Variants in PRELID3A observed in about 807,000 individuals in gnomAD.
PRELID3A encodes the protein PRELI domain containing 3A, also known as PRELI domain containing protein 3A.
PRELID3A carries 27 observed loss-of-function variants against 23.0 expected under a neutral mutation model. The ratio of observed to expected loss-of-function variants is 1.17; its 90% CI spans 0.87 to 1.62. PRELID3A has a LOEUF of 1.62. Among genes scored for constraint, PRELID3A ranks in the 40% most tolerant of loss-of-function variants. PRELID3A has a pLI of 0.00. For synonymous variants in PRELID3A, 87 were observed against 86.4 expected, an observed-to-expected ratio of 1.01 and a Z score of -0.04; for missense variants, 231 against 231.4, an observed-to-expected ratio of 1.00 and a Z score of 0.01.
chr18:12,410,200 C>T (rs1909862791), intron 1 of PRELID3A, among the ~76,000 whole-genome samples: 1 of 152,194 alleles, frequency 6.6e-6, no homozygotes, highest in Non-Finnish European at 1.5e-5. Context: ...ATTTTGTATT[C>T]CTGGCACCCC....
chr18:12,415,237 ATCT>A (rs1479234861), intron 1 of PRELID3A, among the ~76,000 whole-genome samples: 2 of 144,802 alleles, frequency 1.4e-5, no homozygotes, highest in Non-Finnish European at 1.5e-5. Flanking sequence ...GTCTGCCTAC[ATCT>A]TTTTTTTTTT....
chr18:12,419,195 G>A (rs1344848278), intron 1 of PRELID3A, among the ~76,000 whole-genome samples: 1 of 151,504 alleles, frequency 6.6e-6, no homozygotes, highest in Admixed American at 6.6e-5. Context: ...GTGTGGTGGC[G>A]GGCACCTGTA....
chr18:12,427,437 C>T, intron 5 of PRELID3A, 114 bp downstream of exon 5: 1 of 845,866 alleles, frequency 1.2e-6, no homozygotes, highest in Admixed American at 2.3e-5. Context: ...TGGCTCATGT[C>T]TGTAATCCTA....
At position 12,411,465 on chromosome 18, in the gene PRELID3A, C is replaced by CAAAA. The variant is rs398059054; in HGVS notation, c.32+3475_32+3478dup. On this transcript the variant is annotated intron_variant, in intron 1 of 6. Coordinates refer to ENST00000440960, the MANE Select transcript of PRELID3A (RefSeq NM_001142405.2). ...TGGGCGACAGAGCGAGACTCCGTCT[C>CAAAA]AAAAAAAAAAAAAAAAAAAAGGACA... Among the ~76,000 whole-genome samples the CAAAA allele has an allele frequency of 5.6e-5, 5 of 89,628 alleles. No homozygotes were observed. In the East Asian group the frequency reaches 1.2e-3, roughly 22 times the overall value. 58.8% of individuals were successfully genotyped at this position (89,628 alleles called of 152,430 possible). A position where few individuals can be genotyped will look rare whatever the true frequency, so the allele number is the denominator to read the frequency against.
At chr18:12,416,201 GTCCTATT>G (rs1246475159) in intron 1 of PRELID3A, among the ~76,000 whole-genome samples, 5 of 152,170 alleles carry the variant, frequency 3.3e-5, no homozygotes. Flanking sequence ...ACTTCCTGTT[GTCCTATT>G]TCCTATACCC....
chr18:12,430,696 G>C (rs1358382232), intron 6 of PRELID3A, among the ~76,000 whole-genome samples: 1 of 147,736 alleles, frequency 6.8e-6, no homozygotes, highest in Non-Finnish European at 1.5e-5. Context: ...GGTGTGTGCT[G>C]TGTGTGAATG....
At chr18:12,420,721 G>A (rs1411426201) in intron 2 of PRELID3A, among the ~76,000 whole-genome samples, 3 of 119,046 alleles carry the variant, frequency 2.5e-5, no homozygotes, top group African/African-American at 9.5e-5. Context: ...CTGGTGGGAG[G>A]GTTTTCCTCG....
chr18:12,420,075 C>T (rs1437254995), intron 1 of PRELID3A: 2 of 1,363,724 alleles, frequency 1.5e-6, no homozygotes, highest in Non-Finnish European at 9.5e-7. Flanking sequence ...GCATTCCTGC[C>T]TGCTGGGCGA....
At position 12,420,395 on chromosome 18, in the gene PRELID3A, GGCGTGGATGTGCTACAGCGCC is replaced by G. The variant is rs756233118; in HGVS notation, c.111_131del (p.Val38_Asp44del). 1 of 1,609,748 alleles carries G rather than the reference GGCGTGGATGTGCTACAGCGCC, an allele frequency of 6.2e-7. No homozygotes were observed. The highest frequency in any genetic ancestry group is 1.1e-5 in the South Asian group (1 of 90,392). On this transcript the variant is annotated inframe_deletion, in exon 2 of 7. Transcript: ENST00000440960. The stretch of plus-strand genomic sequence containing the variant: ...GAACCCGATGAACCCGAGCGTGCTG[GGCGTGGATGTGCTACAGCGCC>G]GCGTGGACGGCCGCGGCCGCCTGCA...
chr18:12,428,557 G>A (rs2030451123), intron 5 of PRELID3A, among the ~76,000 whole-genome samples: 1 of 152,128 alleles, frequency 6.6e-6, no homozygotes, highest in Non-Finnish European at 1.5e-5. Context: ...CCAACTAGTG[G>A]AAAACCATTT....
At chr18:12,426,496 G>A (rs1372935369) in intron 3 of PRELID3A, among the ~76,000 whole-genome samples, 3 of 137,764 alleles carry the variant, frequency 2.2e-5, no homozygotes, top group Non-Finnish European at 3.0e-5. Flanking sequence ...AGAGCTTTCA[G>A]TGAGCCGAGA....
Position 12,420,317 on chromosome 18 carries a change from C to G in PRELID3A, c.33-8C>G. 6.2e-6 allele frequency: 10 copies of G among 1,601,128 alleles called. No individual in the cohort carries two copies. The highest frequency in any genetic ancestry group is 8.5e-6 in the Non-Finnish European group (10 of 1,174,790). Reference sequence around the variant, plus strand: ...GCTTGCTCACCGCCGCCTATGCTCTCCCCGCAGCCACCCGTGGGACACGGT... The same window carrying G: ...GCTTGCTCACCGCCGCCTATGCTCTGCCCGCAGCCACCCGTGGGACACGGT... On this transcript the variant is annotated splice_region_variant and splice_polypyrimidine_tract_variant and intron_variant, in intron 1 of 6. Coordinates refer to ENST00000440960, the MANE Select transcript of PRELID3A (RefSeq NM_001142405.2).
At chr18:12,430,105 G>A (rs374707560) in intron 6 of PRELID3A, among the ~76,000 whole-genome samples, 65 of 152,272 alleles carry the variant, frequency 4.3e-4, no homozygotes, top group African/African-American at 1.5e-3. Context: ...GTGTGGGTTC[G>A]GGGATCCTTA....
At chr18:12,424,864 TG>T (rs1568165009) in intron 3 of PRELID3A, among the ~76,000 whole-genome samples, 1 of 152,232 alleles carries the variant, frequency 6.6e-6, no homozygotes, top group Non-Finnish European at 1.5e-5. Flanking sequence ...GCCAGTGCGG[TG>T]GCCCACGCCT....
At chr18:12,416,469 C>G in intron 1 of PRELID3A, among the ~76,000 whole-genome samples, 1 of 152,086 alleles carries the variant, frequency 6.6e-6, no homozygotes, top group Non-Finnish European at 1.5e-5. Flanking sequence ...GGTGTGCCAC[C>G]ATGCCTGGTT....
At chr18:12,430,924 ATG>A (rs2030570641) in intron 6 of PRELID3A, among the ~76,000 whole-genome samples, 2 of 144,610 alleles carry the variant, frequency 1.4e-5, no homozygotes, top group East Asian at 2.1e-4. Context: ...TATGATGTGC[ATG>A]TGTGTGATGT....
chr18:12,414,241 C>T (rs2029881984), intron 1 of PRELID3A, among the ~76,000 whole-genome samples: 1 of 152,086 alleles, frequency 6.6e-6, no homozygotes. Context: ...GTCAAGCAGT[C>T]ATAAAACTAA....
chr18:12,430,213 C>T (rs149467103), intron 6 of PRELID3A, among the ~76,000 whole-genome samples: 56 of 152,322 alleles, frequency 3.7e-4, no homozygotes, highest in Admixed American at 1.8e-3. Flanking sequence ...CCTTCATGGC[C>T]GCACCCTGAG....
intron 3 of PRELID3A, among the ~76,000 whole-genome samples, chr18:12,423,552 GAA>G (rs1370119212): frequency 1.3e-5 from 2 of 152,192 alleles, no homozygotes; most frequent in Non-Finnish European, 2.9e-5. Context: ...GCAGGTGTGA[GAA>G]GAGAGAGGTA....
Sources: allele counts gnomAD v4.1 joint callset (sites outside exome capture counted in the v4.1 genomes callset), GRCh38; gene constraint gnomAD v4.1.1; transcripts MANE v1.5; gene names NCBI Gene and HGNC (gene_info 2026-07-23, HGNC 2026-07-21).